TPTE2: variants seen among roughly 807,000 people sequenced by gnomAD.
The protein encoded by TPTE2 is transmembrane phosphoinositide 3-phosphatase and tensin homolog 2, also known as phosphatidylinositol 3,4,5-trisphosphate 3-phosphatase TPTE2.
TPTE2 carries 53 observed loss-of-function variants against 78.6 expected under a neutral mutation model. The ratio of observed to expected loss-of-function variants is 0.67; its 90% CI spans 0.54 to 0.85. The LOEUF (loss-of-function observed/expected upper bound fraction) is 0.85. Among genes scored for constraint, TPTE2 ranks in the 40% least tolerant of loss-of-function variants. TPTE2 has a pLI of 0.00. For synonymous variants in TPTE2, 175 were observed against 206.2 expected (o/e 0.85, Z 1.30); for missense variants, 461 against 623.0 (o/e 0.74, Z 2.77).
At chr13:19,557,391 C>T in the TPTE2 span, among the ~76,000 whole-genome samples, 1 of 152,134 alleles carries the variant, frequency 6.6e-6, no homozygotes, top group Non-Finnish European at 1.5e-5. Context: ...GGCCCTGGTG[C>T]CCAGCTGAGG....
the TPTE2 span, among the ~76,000 whole-genome samples, chr13:19,551,350 G>C: frequency 6.6e-6 from 1 of 152,110 alleles, no homozygotes; most frequent in East Asian, 1.9e-4. Flanking sequence ...AGCACTTTGG[G>C]AGGCCAAGGT....
intron 1 of TPTE2, among the ~76,000 whole-genome samples, chr13:19,525,055 G>A (rs1162837311): frequency 6.6e-6 from 1 of 152,168 alleles, no homozygotes; most frequent in Non-Finnish European, 1.5e-5. Context: ...TTTCAGTGGT[G>A]AGGAGAGAGG....
At chr13:19,461,979 A>T (rs1878939041) in intron 10 of TPTE2, among the ~76,000 whole-genome samples, 1 of 137,362 alleles carries the variant, frequency 7.3e-6, no homozygotes, top group Non-Finnish European at 1.6e-5. Context: ...TATATCTTTT[A>T]ATTGGGAATT....
At chr13:19,483,236 G>C (rs1442157043) in intron 3 of TPTE2, among the ~76,000 whole-genome samples, 1 of 152,220 alleles carries the variant, frequency 6.6e-6, no homozygotes. Context: ...GTTTGCTGTG[G>C]CAAATGACTC....
chr13:19,448,267 C>T (rs1877961780), intron 13 of TPTE2, among the ~76,000 whole-genome samples: 1 of 151,978 alleles, frequency 6.6e-6, no homozygotes, highest in Non-Finnish European at 1.5e-5. Context: ...TGGTCTGGGC[C>T]AAGATATTTT....
chr13:19,484,944 T>C (rs1880570640), intron 3 of TPTE2, among the ~76,000 whole-genome samples: 1 of 152,198 alleles, frequency 6.6e-6, no homozygotes, highest in Non-Finnish European at 1.5e-5. Context: ...AGTAAGTCTA[T>C]ATCCTTCATG....
At chr13:19,463,170 C>T (rs554514493) in intron 10 of TPTE2, among the ~76,000 whole-genome samples, 1 of 151,348 alleles carries the variant, frequency 6.6e-6, no homozygotes, top group East Asian at 2.0e-4. Flanking sequence ...TTTTTAGAGA[C>T]AGGATTTTGC....
intron 13 of TPTE2, among the ~76,000 whole-genome samples, chr13:19,441,119 T>C (rs1007418725): frequency 2.6e-5 from 4 of 151,208 alleles, no homozygotes; most frequent in Non-Finnish European, 4.4e-5. Context: ...CTTTGCAGCA[T>C]CACGGATGCA....
chr13:19,550,896 A>T, the TPTE2 span, among the ~76,000 whole-genome samples: 1 of 151,362 alleles, frequency 6.6e-6, no homozygotes, highest in South Asian at 2.1e-4. Context: ...GGTTCAGGTG[A>T]TTCTCCTGCC....
chr13:19,534,439 T>C (rs1184763113), intron 1 of TPTE2, among the ~76,000 whole-genome samples: 3 of 152,208 alleles, frequency 2.0e-5, no homozygotes, highest in Non-Finnish European at 4.4e-5. Flanking sequence ...CTGTACCACA[T>C]TCAAAAGGAG....
chr13:19,554,660 C>T, the TPTE2 span, among the ~76,000 whole-genome samples: 1 of 152,184 alleles, frequency 6.6e-6, no homozygotes, highest in Non-Finnish European at 1.5e-5. Flanking sequence ...GCATAGATTG[C>T]ATATGATCTA....
chr13:19,539,343 T>C (rs1871372687), upstream of TPTE2, among the ~76,000 whole-genome samples: 1 of 152,030 alleles, frequency 6.6e-6, no homozygotes, highest in African/African-American at 2.4e-5. Flanking sequence ...TGGGGGTGGG[T>C]TTTTCCCATG....
intron 13 of TPTE2, among the ~76,000 whole-genome samples, chr13:19,440,236 G>A (rs1877399484): frequency 6.6e-6 from 1 of 152,144 alleles, no homozygotes. Context: ...AGCCCCATCA[G>A]GATAACAGCC....
At chr13:19,483,572 TA>T (rs1245543937) in intron 3 of TPTE2, among the ~76,000 whole-genome samples, 6 of 152,186 alleles carry the variant, frequency 3.9e-5, no homozygotes, top group Admixed American at 6.5e-5. Flanking sequence ...GGTTTGTTGA[TA>T]TTTTTTAAAC....
chr13:19,519,400 A>G lies in TPTE2; in HGVS notation c.-43-16123T>C, dbSNP rs1870010853. Among the ~76,000 whole-genome samples, 4 of 152,152 alleles carry G rather than the reference A, an allele frequency of 2.6e-5. No homozygotes were observed. In the South Asian group the frequency reaches 8.3e-4, roughly 32 times the overall value. ...ATGTACACCTATGTTTTTGTCTAAGAGCATAGTTTTGGATCTTACATTTAG... is the reference window on the plus strand; with the variant it reads ...ATGTACACCTATGTTTTTGTCTAAGGGCATAGTTTTGGATCTTACATTTAG... On this transcript the variant is annotated intron_variant, in intron 1 of 17. Coordinates refer to the TPTE2 transcript ENST00000390680.
chr13:19,475,485 CA>C (rs1307378388), intron 5 of TPTE2, 87 bp downstream of exon 8: 1 of 1,473,764 alleles, frequency 6.8e-7, no homozygotes, highest in African/African-American at 1.4e-5. Context: ...CTCAGCCCCC[CA>C]GAGTGCTGGG....
intron 4 of TPTE2, among the ~76,000 whole-genome samples, chr13:19,477,818 A>G (rs1473794390): frequency 1.3e-5 from 2 of 152,258 alleles, no homozygotes; most frequent in Non-Finnish European, 2.9e-5. Context: ...AGCTTCAAGC[A>G]GTTATGTGCA....
At chr13:19,427,079 C>CTTTTTTTTTTTTTTTTTT (rs55904352) in intron 17 of TPTE2, among the ~76,000 whole-genome samples, 2 of 67,292 alleles carry the variant, frequency 3.0e-5, no homozygotes, top group East Asian at 4.3e-4. Context: ...CTTTTCTTTT[C>CTTTTTTTTTTTTTTTTTT]TTTTTTTTTT....
chr13:19,524,794 A>G (rs1420797228), intron 1 of TPTE2, among the ~76,000 whole-genome samples: 1 of 152,088 alleles, frequency 6.6e-6, no homozygotes, highest in African/African-American at 2.4e-5. Flanking sequence ...CCAGGAGAAA[A>G]AGTGGGGAGC....
Sources: gnomAD v4.1 joint callset for allele counts (sites outside exome capture counted in the v4.1 genomes callset) on GRCh38, gnomAD v4.1.1 for gene constraint, MANE v1.5 for transcripts, NCBI Gene and HGNC (gene_info 2026-07-23, HGNC 2026-07-21) for gene names.